SEMA5A: variants seen among roughly 807,000 people sequenced by gnomAD.
The protein encoded by SEMA5A is semaphorin-5A.
In SEMA5A, 55 loss-of-function variants were observed where a neutral mutation model predicts 135.5. The ratio of observed to expected loss-of-function variants is 0.41; its 90% CI spans 0.33 to 0.51. The LOEUF (loss-of-function observed/expected upper bound fraction) is 0.51, where lower values mean the gene tolerates loss of function less well. Among genes scored for constraint, SEMA5A ranks in the 20% least tolerant of loss-of-function variants. The probability of loss-of-function intolerance (pLI) is 0.37; values close to 1 mark genes in which losing one functional copy is unlikely to be tolerated. For missense variants in SEMA5A, 1,290 were observed against 1,419.9 expected (o/e 0.91, Z 1.47); for synonymous variants, 580 against 546.5 (o/e 1.06, Z -0.85).
chr5:9,526,585 G>A (rs898194193), intron 1 of SEMA5A, among the ~76,000 whole-genome samples: 1 of 152,192 alleles, frequency 6.6e-6, no homozygotes, highest in African/African-American at 2.4e-5. Flanking sequence ...TTACACTGCA[G>A]CAATTTCTTC....
intron 6 of SEMA5A, among the ~76,000 whole-genome samples, chr5:9,230,258 C>T (rs569327949): frequency 1.3e-5 from 2 of 150,784 alleles, no homozygotes; most frequent in Non-Finnish European, 2.9e-5. Flanking sequence ...CCTTGTCCTC[C>T]CAAAGTGCTG....
chr5:9,183,092 T>A (rs367787653), intron 11 of SEMA5A, among the ~76,000 whole-genome samples: 4 of 152,082 alleles, frequency 2.6e-5, no homozygotes, highest in Admixed American at 1.3e-4. Flanking sequence ...AAGTATTTGG[T>A]GCTAATGCAT....
At chr5:9,286,809 A>G (rs1197864711) in intron 5 of SEMA5A, among the ~76,000 whole-genome samples, 1 of 152,264 alleles carries the variant, frequency 6.6e-6, no homozygotes, top group Non-Finnish European at 1.5e-5. Flanking sequence ...AAATACCCAA[A>G]GTAAAGCCCA....
intron 21 of SEMA5A, chr5:9,045,730 T>C (rs1736216155): frequency 6.6e-6 from 1 of 152,140 alleles, no homozygotes; most frequent in Non-Finnish European, 1.5e-5. Context: ...TTTTAAATGG[T>C]CATGAAATGA....
intron 4 of SEMA5A, among the ~76,000 whole-genome samples, chr5:9,328,003 A>C (rs1457043115): frequency 6.6e-6 from 1 of 152,110 alleles, no homozygotes; most frequent in African/African-American, 2.4e-5. Context: ...ATATACAATT[A>C]ATTTTCTAGG....
intron 4 of SEMA5A, among the ~76,000 whole-genome samples, chr5:9,336,148 A>C (rs933798593): frequency 1.3e-5 from 2 of 152,206 alleles, no homozygotes; most frequent in African/African-American, 4.8e-5. Flanking sequence ...GGTGGCAGCC[A>C]GTATTCCAGA....
intron 1 of SEMA5A, chr5:9,498,373 T>A (rs1735407354): frequency 6.6e-6 from 1 of 152,242 alleles, no homozygotes; most frequent in Non-Finnish European, 1.5e-5. Flanking sequence ...TCATTCACCA[T>A]CCATCGAATT....
At chr5:9,444,157 A>AT (rs1053402011) in intron 1 of SEMA5A, among the ~76,000 whole-genome samples, 8 of 151,448 alleles carry the variant, frequency 5.3e-5, no homozygotes, top group Non-Finnish European at 1.2e-4. Flanking sequence ...CACCACTTAA[A>AT]TTTTTTTTTA....
chr5:9,473,231 G>C (rs1293378644), intron 1 of SEMA5A, among the ~76,000 whole-genome samples: 1 of 147,504 alleles, frequency 6.8e-6, no homozygotes, highest in South Asian at 2.1e-4. Context: ...AATGATAAAA[G>C]TCAGCAGGGA....
At chr5:9,233,258 C>T (rs192693375) in intron 6 of SEMA5A, among the ~76,000 whole-genome samples, 69 of 152,344 alleles carry the variant, frequency 4.5e-4, no homozygotes, top group African/African-American at 1.3e-3. Context: ...GTGGGAGGAA[C>T]GTCAGTTCAG....
intron 3 of SEMA5A, among the ~76,000 whole-genome samples, chr5:9,357,788 G>A (rs1223960430): frequency 6.6e-6 from 1 of 152,076 alleles, no homozygotes. Context: ...TGAAGATGAG[G>A]GGCCATTGGG....
intron 15 of SEMA5A, among the ~76,000 whole-genome samples, chr5:9,115,010 G>A (rs946003758): frequency 2.0e-5 from 3 of 152,192 alleles, no homozygotes; most frequent in Non-Finnish European, 4.4e-5. Flanking sequence ...GCTGGAGGGT[G>A]TTGTCTCTCA....
rs149012151 is a variant in SEMA5A at position 9,108,209 on chromosome 5, T to C, written c.2004A>G (p.Gln668=). The stretch of plus-strand genomic sequence containing the variant: ...GGCGAGCTTGAATGCCACCCCCGCA[T>C]TGGGCTGTGCACCGTTCCCAAGGAC... ...GWGPWERCTA[Q]CGGGIQARRR... Residue 668 remains glutamine, a synonymous_variant, in exon 16 of 23, where the codon CAA becomes CAG. Coordinates refer to ENST00000382496, the MANE Select transcript of SEMA5A (RefSeq NM_003966.3). 4.0e-4 allele frequency: 653 copies of C among 1,614,154 alleles called. 1 individual carries two copies. The African/African-American group carries it at 5.2e-3, about 13-fold the overall frequency.
intron 5 of SEMA5A, among the ~76,000 whole-genome samples, chr5:9,258,906 C>T (rs1749244211): frequency 6.9e-6 from 1 of 144,120 alleles, no homozygotes; most frequent in South Asian, 2.2e-4. Context: ...CCTCTGCCTC[C>T]TGGGTTCAAG....
chr5:9,384,741 CAGAT>C (rs1215237402), intron 2 of SEMA5A, among the ~76,000 whole-genome samples: 5 of 146,146 alleles, frequency 3.4e-5, no homozygotes, highest in Non-Finnish European at 6.0e-5. Context: ...GACAGACAGA[CAGAT>C]GCATACATAC....
intron 3 of SEMA5A, among the ~76,000 whole-genome samples, chr5:9,360,880 TA>T (rs1275519329): frequency 6.6e-6 from 1 of 152,246 alleles, no homozygotes; most frequent in African/African-American, 2.4e-5. Flanking sequence ...TTCTTCATCC[TA>T]GGGGAGAGAG....
intron 1 of SEMA5A, among the ~76,000 whole-genome samples, chr5:9,543,635 T>C (rs1738214913): frequency 6.6e-6 from 1 of 152,166 alleles, no homozygotes; most frequent in African/African-American, 2.4e-5. Context: ...AAAGTACATA[T>C]TGGCTAAAAG....
chr5:9,181,258 G>A (rs1029359285), intron 11 of SEMA5A, among the ~76,000 whole-genome samples: 2 of 152,168 alleles, frequency 1.3e-5, no homozygotes, highest in Non-Finnish European at 2.9e-5. Flanking sequence ...CCCATTGGCA[G>A]TAGTAAATAT....
intron 5 of SEMA5A, among the ~76,000 whole-genome samples, chr5:9,274,438 C>G (rs1447614758): frequency 6.6e-6 from 1 of 152,110 alleles, no homozygotes; most frequent in Non-Finnish European, 1.5e-5. Flanking sequence ...AGAAAATTAC[C>G]AAGGATATCC....
Sources: allele counts gnomAD v4.1 joint callset (sites outside exome capture counted in the v4.1 genomes callset), GRCh38; gene constraint gnomAD v4.1.1; transcripts MANE v1.5; gene names NCBI Gene and HGNC (gene_info 2026-07-23, HGNC 2026-07-21).